Variants in BMS1 observed in about 807,000 individuals in gnomAD.
BMS1 encodes ribosome biogenesis protein BMS1 homolog.
BMS1 carries 53 observed loss-of-function variants against 138.7 expected under a neutral mutation model. The ratio of observed to expected loss-of-function variants is 0.38; its 90% CI spans 0.31 to 0.48. BMS1 has a LOEUF of 0.48. Ranked by LOEUF, BMS1 falls within the 20% of genes least tolerant of loss-of-function variation. The pLI is 0.97. For missense variants in BMS1, 1,360 were observed against 1,565.5 expected (o/e 0.87, Z 2.22); for synonymous variants, 504 against 539.9 (o/e 0.93, Z 0.92).
At chr10:42,808,243 G>T (rs961396849) in intron 13 of BMS1, among the ~76,000 whole-genome samples, 1 of 150,892 alleles carries the variant, frequency 6.6e-6, no homozygotes, top group African/African-American at 2.4e-5. Flanking sequence ...TCTTAACGGG[G>T]CCTTTCACAG....
intron 21 of BMS1, 140 bp downstream of exon 21, chr10:42,823,924 A>G (rs1253371877): frequency 5.2e-6 from 4 of 765,872 alleles, no homozygotes; most frequent in East Asian, 6.9e-5. Flanking sequence ...GAACAGTTGT[A>G]TATTTGTGGA....
At chr10:42,795,287 A>G (rs1841643559) in intron 9 of BMS1, among the ~76,000 whole-genome samples, 1 of 151,608 alleles carries the variant, frequency 6.6e-6, no homozygotes, top group South Asian at 2.1e-4. Flanking sequence ...TCTTCTATAC[A>G]GTCTTTATGT....
chr10:42,804,982 T>C (rs572287916), intron 13 of BMS1, among the ~76,000 whole-genome samples: 134 of 152,272 alleles, frequency 8.8e-4, no homozygotes, highest in East Asian at 1.9e-3. Flanking sequence ...CCTCCCAAAG[T>C]GCTGGGATTA....
intron 15 of BMS1, 149 bp from the exon 16 acceptor site, chr10:42,820,087 T>C (rs1233590709): frequency 9.5e-7 from 1 of 1,056,208 alleles, no homozygotes; most frequent in East Asian, 2.6e-5. Context: ...CCACTGTACC[T>C]GGCCAAATGT....
intron 9 of BMS1, among the ~76,000 whole-genome samples, chr10:42,794,491 T>C (rs1841612367): frequency 6.6e-6 from 1 of 151,648 alleles, no homozygotes; most frequent in Admixed American, 6.6e-5. Flanking sequence ...TTGCAAAACA[T>C]TGGTTTTGTT....
In BMS1 at chr10:42,792,521, A is replaced by G. The variant is rs1347987074; in HGVS notation, c.808A>G (p.Ile270Val). Reference sequence around the variant, plus strand: ...GGAAGATTTGACAAACCCAGAGGATATCCGAACAAACATCAAATGTGACCG... The same window carrying G: ...GGAAGATTTGACAAACCCAGAGGATGTCCGAACAAACATCAAATGTGACCG... ...RMEDLTNPED[I>V]RTNIKCDRKV... Residue 270 changes from isoleucine to valine, a missense_variant, in exon 7 of 23, where the codon ATC (isoleucine) becomes GTC (valine). Physicochemically the swap from Ile to Val is conservative, Grantham distance 29. Around this residue, in one of 3 missense-constraint regions of BMS1, gnomAD observed 697 missense variants for 686.2 expected, o/e 1.02. Coordinates refer to ENST00000374518, the MANE Select transcript of BMS1 (RefSeq NM_014753.4). 6.2e-7 allele frequency: 1 copy of G among 1,611,752 alleles called. No homozygotes were observed.
intron 13 of BMS1, among the ~76,000 whole-genome samples, chr10:42,811,524 TTC>T (rs1271846204): frequency 0.014 from 1,671 of 118,862 alleles, 234 homozygotes; most frequent in African/African-American, 0.056. Flanking sequence ...TATTTTCTTT[TTC>T]TTTTTTTTTT....
chr10:42,822,508 G>T (rs1486698099), intron 19 of BMS1, among the ~76,000 whole-genome samples: 1 of 151,926 alleles, frequency 6.6e-6, no homozygotes, highest in East Asian at 1.9e-4. Flanking sequence ...TTTGTGTTAA[G>T]AAAGGGAAAA....
At chr10:42,829,961 G>T (rs536465812) in intron 21 of BMS1, among the ~76,000 whole-genome samples, 1 of 152,304 alleles carries the variant, frequency 6.6e-6, no homozygotes, top group African/African-American at 2.4e-5. Flanking sequence ...AAGAAACTGG[G>T]ATCTATTCAT....
At chr10:42,812,095 TA>T (rs1842201657) in intron 13 of BMS1, among the ~76,000 whole-genome samples, 4 of 152,068 alleles carry the variant, frequency 2.6e-5, no homozygotes, top group Admixed American at 6.5e-5. Context: ...TGTTGGAGAG[TA>T]GGGTGTTATA....
intron 13 of BMS1, among the ~76,000 whole-genome samples, chr10:42,808,114 C>CT (rs1842062443): frequency 6.6e-6 from 1 of 151,318 alleles, no homozygotes; most frequent in African/African-American, 2.4e-5. Flanking sequence ...CTGGGGATGT[C>CT]TTTTTTTTGC....
chr10:42,792,232 C>T (rs1022953419), intron 6 of BMS1, among the ~76,000 whole-genome samples: 22 of 152,290 alleles, frequency 1.4e-4, no homozygotes, highest in African/African-American at 5.1e-4. Context: ...ATATGTTCTT[C>T]ACTCTTCCCC....
At chr10:42,817,571 C>A in intron 15 of BMS1, 77 bp downstream of exon 15, 2 of 1,396,108 alleles carry the variant, frequency 1.4e-6, no homozygotes, top group Middle Eastern at 2.6e-4. Context: ...TGTTTGGGTC[C>A]CTACGTCCTA....
chr10:42,800,444 T>C (rs1435432932), intron 12 of BMS1, among the ~76,000 whole-genome samples: 1 of 152,190 alleles, frequency 6.6e-6, no homozygotes, highest in Non-Finnish European at 1.5e-5. Context: ...TCTTTATGTA[T>C]TAGCTGTAAC....
intron 18 of BMS1, among the ~76,000 whole-genome samples, chr10:42,821,357 G>A (rs1160690178): frequency 6.6e-6 from 1 of 152,024 alleles, no homozygotes; most frequent in Non-Finnish European, 1.5e-5. Flanking sequence ...GCAGGGCAGG[G>A]TTTATTGGTC....
rs1841574553 is a variant in BMS1, at chr10:42,793,359, C to T, written c.1089+215C>T. Among the ~76,000 whole-genome samples, 4 of 151,850 alleles carry T rather than the reference C, an allele frequency of 2.6e-5. No homozygotes were observed. In the South Asian group the frequency reaches 8.3e-4, roughly 32 times the overall value. On this transcript the variant is annotated intron_variant, in intron 8 of 22. Coordinates refer to ENST00000374518, the MANE Select transcript of BMS1 (RefSeq NM_014753.4). The stretch of plus-strand genomic sequence containing the variant: ...CAGAAGAGTCCTCTCCTTCATTCCT[C>T]CTTGATCCATGGCCCCAGCACAGGC...
In BMS1 at chr10:42,819,123, G is replaced by A. The variant is rs547714328; in HGVS notation, c.2581-1113G>A. ...CAGAGAGAAGCAGAGAAATGAAGCC[G>A]TTGTTGGTGGAAGAAGTGGAATCAA... On this transcript the variant is annotated intron_variant, in intron 15 of 22. Coordinates refer to ENST00000374518, the MANE Select transcript of BMS1 (RefSeq NM_014753.4). Among the ~76,000 whole-genome samples the A allele has an allele frequency of 3.3e-4, 51 of 152,346 alleles. 1 individual carries two copies. The highest frequency in any genetic ancestry group is 5.1e-4 in the Non-Finnish European group (35 of 68,042).
chr10:42,791,539 A>G (rs1841505229), intron 5 of BMS1, 88 bp from the exon 6 acceptor site: 2 of 1,303,716 alleles, frequency 1.5e-6, no homozygotes, highest in Non-Finnish European at 1.0e-6. Flanking sequence ...CCTTCTTAGG[A>G]TTGCTTCTTG....
intron 4 of BMS1, among the ~76,000 whole-genome samples, chr10:42,789,160 G>A (rs1237049103): frequency 2.0e-5 from 3 of 152,204 alleles, no homozygotes; most frequent in Non-Finnish European, 4.4e-5. Context: ...GCAGCTGAGG[G>A]ACTGTTTGCT....
Sources: allele counts gnomAD v4.1 joint callset (sites outside exome capture counted in the v4.1 genomes callset), GRCh38; gene constraint gnomAD v4.1.1; regional missense constraint gnomAD v4.1.1; transcripts MANE v1.5; gene names NCBI Gene and HGNC (gene_info 2026-07-23, HGNC 2026-07-21).